PGLYRP3: variants seen among roughly 807,000 people sequenced by gnomAD.
PGLYRP3 encodes peptidoglycan recognition protein I alpha.
A neutral mutation model predicts 36.0 loss-of-function variants in PGLYRP3; 39 were observed. The observed-to-expected ratio is 1.08, with a 90% CI of 0.84 to 1.41. PGLYRP3 has a LOEUF of 1.41. Among genes scored for constraint, PGLYRP3 ranks in the 40% most tolerant of loss-of-function variants. PGLYRP3 has a pLI of 0.00. For synonymous variants in PGLYRP3, 204 were observed against 172.8 expected, an observed-to-expected ratio of 1.18 and a Z score of -1.42; for missense variants, 407 against 427.9, an observed-to-expected ratio of 0.95 and a Z score of 0.43.
At chr1:153,309,380 G>A (rs934919642) in intron 2 of PGLYRP3, among the ~76,000 whole-genome samples, 10 of 152,196 alleles carry the variant, frequency 6.6e-5, no homozygotes, top group African/African-American at 1.4e-4. Context: ...GGTTTTAAGC[G>A]TAGATTTAGA....
At chr1:153,310,289 A>G (rs1379183317) in intron 2 of PGLYRP3, among the ~76,000 whole-genome samples, 1 of 152,244 alleles carries the variant, frequency 6.6e-6, no homozygotes. Flanking sequence ...CCCAGCACTA[A>G]CTACTTGGGC....
chr1:153,299,808 G>A (rs1260434653), intron 6 of PGLYRP3, among the ~76,000 whole-genome samples: 6 of 152,150 alleles, frequency 3.9e-5, no homozygotes, highest in Non-Finnish European at 7.3e-5. Context: ...ACAACACCCT[G>A]AATGCCTTCT....
chr1:153,308,146 C>T (rs1214326923), intron 2 of PGLYRP3, among the ~76,000 whole-genome samples: 1 of 152,116 alleles, frequency 6.6e-6, no homozygotes, highest in East Asian at 1.9e-4. Context: ...AGGTGCATGC[C>T]ACTATGCCAA....
intron 7 of PGLYRP3, among the ~76,000 whole-genome samples, chr1:153,298,902 G>C (rs1659514694): frequency 6.6e-6 from 1 of 152,184 alleles, no homozygotes; most frequent in African/African-American, 2.4e-5. Flanking sequence ...AAGCAAGGTG[G>C]AGCTGGGCAT....
rs1393035995 is a variant in PGLYRP3, at chr1:153,302,345, C to T, written c.728+64G>A. The T allele has an allele frequency of 3.8e-6, 6 of 1,559,764 alleles. No individual in the cohort carries two copies. In the South Asian group the frequency reaches 5.7e-5, roughly 15 times the overall value. ...AGGCTCAGGAAACATCAGTTCCCTC[C>T]CACAGCCTTCCTTCCTACAATCCTG... On this transcript the variant is annotated intron_variant, in intron 6 of 7. Coordinates refer to ENST00000683862, the MANE Select transcript of PGLYRP3 (RefSeq NM_052891.3).
intron 6 of PGLYRP3, among the ~76,000 whole-genome samples, chr1:153,300,468 T>C (rs1278942098): frequency 1.3e-5 from 2 of 152,152 alleles, no homozygotes; most frequent in Middle Eastern, 6.3e-3. Context: ...GTTGTCAGAA[T>C]CAAAATGGAG....
At position 153,298,049 on chromosome 1, in the gene PGLYRP3, G is replaced by A. The variant is rs1166223718; in HGVS notation, c.933C>T (p.Tyr311=). ...AVVEGYLTPN[Y]LLMGHSDVVN... ...CCACGTCACTGTGGCCCATCAGCAGGTAGTTTGGAGTCAGGTACCCCTCAA... is the reference window on the plus strand; with the variant it reads ...CCACGTCACTGTGGCCCATCAGCAGATAGTTTGGAGTCAGGTACCCCTCAA... The change falls in exon 8 of 8, where the codon TAC becomes TAT. Residue 311 remains tyrosine (Y), a synonymous_variant. Transcript: ENST00000683862. 6.2e-7 allele frequency: 1 copy of A among 1,614,054 alleles called. No homozygotes were observed.
intron 5 of PGLYRP3, 36 bp from the exon 6 acceptor site, chr1:153,302,643 T>C: frequency 6.2e-7 from 1 of 1,607,486 alleles, no homozygotes. Flanking sequence ...AGTAGGAATT[T>C]TTTTTGCCTC....
chr1:153,298,437 G>A (rs573372570), intron 7 of PGLYRP3, among the ~76,000 whole-genome samples: 10 of 152,132 alleles, frequency 6.6e-5, no homozygotes, highest in East Asian at 1.9e-4. Flanking sequence ...GGCGGATCAC[G>A]AGATTAAGAG....
chr1:153,308,996 A>C (rs1460775711), intron 2 of PGLYRP3, among the ~76,000 whole-genome samples: 1 of 125,484 alleles, frequency 8.0e-6, no homozygotes, highest in South Asian at 2.3e-4. Context: ...TGTTGAGCTA[A>C]CACACATGTC....
At chr1:153,300,144 C>G (rs1659549190) in intron 6 of PGLYRP3, among the ~76,000 whole-genome samples, 1 of 152,178 alleles carries the variant, frequency 6.6e-6, no homozygotes, top group Non-Finnish European at 1.5e-5. Context: ...CTTTCCCACC[C>G]TTACTACTCA....
chr1:153,303,105 T>A (rs1659641317), intron 5 of PGLYRP3, among the ~76,000 whole-genome samples: 1 of 152,194 alleles, frequency 6.6e-6, no homozygotes, highest in African/African-American at 2.4e-5. Flanking sequence ...TATTTGAGAT[T>A]TACAGTTTTA....
chr1:153,310,767 A>T, intron 1 of PGLYRP3, 61 bp from the exon 2 acceptor site: 1 of 1,014,806 alleles, frequency 9.9e-7, no homozygotes, highest in Non-Finnish European at 1.5e-6. Context: ...GCACCCACCT[A>T]CTATGTGGCA....
intron 1 of PGLYRP3, among the ~76,000 whole-genome samples, chr1:153,312,404 C>G (rs1349256697): frequency 6.6e-6 from 1 of 152,140 alleles, no homozygotes; most frequent in Non-Finnish European, 1.5e-5. Flanking sequence ...GTAGAGGTAA[C>G]CTCAGAACCC....
At chr1:153,310,759 A>T (rs1345031354) in intron 1 of PGLYRP3, 53 bp from the exon 2 acceptor site, 1 of 1,123,618 alleles carries the variant, frequency 8.9e-7, no homozygotes, top group East Asian at 2.4e-5. Flanking sequence ...CAAGTGGAGC[A>T]CCCACCTACT....
intron 1 of PGLYRP3, among the ~76,000 whole-genome samples, chr1:153,312,347 A>T (rs1385005866): frequency 6.6e-6 from 1 of 152,192 alleles, no homozygotes; most frequent in Admixed American, 6.5e-5. Context: ...GACAAGTGAG[A>T]CATAATAGAT....
At chr1:153,302,279 TAAA>T (rs1659615047) in intron 6 of PGLYRP3, 127 bp downstream of exon 6, 2 of 1,001,902 alleles carry the variant, frequency 2.0e-6, no homozygotes, top group Non-Finnish European at 1.5e-6. Context: ...CTTGCAAAAA[TAAA>T]ATATGATGCC....
rs1659696244 is a variant in PGLYRP3, at chr1:153,304,893, G to A, written c.376+54C>T. 4.4e-6 allele frequency: 6 copies of A among 1,356,038 alleles called. No homozygotes were observed. In the East Asian group the frequency reaches 1.4e-4, roughly 32 times the overall value. The allele number at this position is 1,356,038 out of a possible 1,614,324, so 84.0% of individuals were successfully genotyped here. A position where few individuals can be genotyped will look rare whatever the true frequency, so the allele number is the denominator to read the frequency against. ...ATGAGTGTTGACCCTTGGGAGTGGAGGAAGAGAGTGTACACAACTCTCCAG... is the reference window on the plus strand; with the variant it reads ...ATGAGTGTTGACCCTTGGGAGTGGAAGAAGAGAGTGTACACAACTCTCCAG... On this transcript the variant is annotated intron_variant, in intron 4 of 7. Coordinates refer to ENST00000683862, the MANE Select transcript of PGLYRP3 (RefSeq NM_052891.3).
intron 7 of PGLYRP3, among the ~76,000 whole-genome samples, 199 bp from the exon 8 acceptor site, chr1:153,298,333 G>A (rs997775876): frequency 2.0e-5 from 3 of 152,074 alleles, no homozygotes; most frequent in African/African-American, 7.2e-5. Flanking sequence ...ATTCCTCCGT[G>A]CCAAAGTTTC....
Sources: allele counts gnomAD v4.1 joint callset (sites outside exome capture counted in the v4.1 genomes callset), GRCh38; gene constraint gnomAD v4.1.1; transcripts MANE v1.5; gene names NCBI Gene and HGNC (gene_info 2026-07-23, HGNC 2026-07-21).